The following CCDC178 variants were observed in gnomAD, a reference collection of about 807,000 sequenced individuals.
The protein encoded by CCDC178 is coiled-coil domain-containing protein 178.
In CCDC178, 126 loss-of-function variants were observed where a neutral mutation model predicts 117.4. That is an observed-to-expected ratio of 1.07 (90% CI 0.93 to 1.24). The LOEUF is 1.24. Among genes scored for constraint, CCDC178 ranks in the 50% most tolerant of loss-of-function variants. The probability of loss-of-function intolerance (pLI) is 0.00; values close to 1 mark genes in which losing one functional copy is unlikely to be tolerated. For missense variants in CCDC178, 1,030 were observed against 986.9 expected (o/e 1.04, Z -0.59); for synonymous variants, 283 against 313.4 (o/e 0.90, Z 1.02).
At chr18:32,947,031 C>T (rs942383173) in intron 22 of CCDC178, among the ~76,000 whole-genome samples, 2 of 151,966 alleles carry the variant, frequency 1.3e-5, no homozygotes, top group African/African-American at 2.4e-5. Flanking sequence ...CCGCCCGCCT[C>T]GGCCTCCTAA....
intron 3 of CCDC178, among the ~76,000 whole-genome samples, 171 bp downstream of exon 3, chr18:33,411,860 C>T (rs1253997372): frequency 2.6e-5 from 4 of 152,100 alleles, no homozygotes; most frequent in East Asian, 1.9e-4. Context: ...TTTTGTTACG[C>T]TGACTCACTC....
intron 3 of CCDC178, among the ~76,000 whole-genome samples, chr18:33,405,242 C>T: frequency 6.6e-6 from 1 of 151,424 alleles, no homozygotes; most frequent in East Asian, 1.9e-4. Context: ...TCAAGAATTA[C>T]AAAAATGTAT....
At chr18:33,374,715 T>G (rs1324209580) in intron 5 of CCDC178, among the ~76,000 whole-genome samples, 1 of 148,270 alleles carries the variant, frequency 6.7e-6, no homozygotes, top group Non-Finnish European at 1.5e-5. Context: ...AGTCAAAAAT[T>G]GAAAAAATCT....
At chr18:33,250,407 T>A (rs953502855) in intron 14 of CCDC178, among the ~76,000 whole-genome samples, 10 of 144,790 alleles carry the variant, frequency 6.9e-5, no homozygotes, top group Middle Eastern at 3.5e-3. Context: ...CATAATACTA[T>A]GTTTAAAAAA....
At chr18:33,010,047 G>A (rs969239830) in intron 21 of CCDC178, among the ~76,000 whole-genome samples, 2 of 152,046 alleles carry the variant, frequency 1.3e-5, no homozygotes, top group African/African-American at 4.8e-5. Flanking sequence ...ACCTCACACC[G>A]TCAAAGTTTT....
At chr18:33,321,770 G>A (rs968266166) in intron 11 of CCDC178, among the ~76,000 whole-genome samples, 1 of 151,692 alleles carries the variant, frequency 6.6e-6, no homozygotes, top group Non-Finnish European at 1.5e-5. Context: ...TACAACAAAT[G>A]TGGCAAATAG....
At chr18:33,424,372 G>A (rs185329204) in intron 2 of CCDC178, among the ~76,000 whole-genome samples, 1 of 152,146 alleles carries the variant, frequency 6.6e-6, no homozygotes, top group Non-Finnish European at 1.5e-5. Flanking sequence ...CTCACTTAAT[G>A]TCATAGTGTA....
chr18:33,151,263 A>C (rs900862587), intron 20 of CCDC178, among the ~76,000 whole-genome samples: 14 of 152,184 alleles, frequency 9.2e-5, no homozygotes, highest in Non-Finnish European at 2.1e-4. Flanking sequence ...ATAAATAAAT[A>C]AATAAATTCT....
chr18:33,092,603 A>T (rs1336063389), intron 21 of CCDC178, among the ~76,000 whole-genome samples, 158 bp downstream of exon 21: 1 of 152,162 alleles, frequency 6.6e-6, no homozygotes, highest in African/African-American at 2.4e-5. Context: ...TTCAATTTTA[A>T]AAGGTTGATA....
intron 6 of CCDC178, among the ~76,000 whole-genome samples, chr18:33,358,679 A>C (rs562188315): frequency 6.6e-6 from 1 of 152,056 alleles, no homozygotes; most frequent in Non-Finnish European, 1.5e-5. Flanking sequence ...AAATTTTAGT[A>C]GCTATAAAGT....
chr18:33,174,801 C>T (rs1181487423), intron 20 of CCDC178, among the ~76,000 whole-genome samples: 2 of 151,924 alleles, frequency 1.3e-5, no homozygotes, highest in South Asian at 4.2e-4. Context: ...ATAGGAGTAA[C>T]CTTATCTCTC....
intron 22 of CCDC178, among the ~76,000 whole-genome samples, chr18:32,961,895 T>A (rs1035755737): frequency 6.6e-6 from 1 of 152,230 alleles, no homozygotes; most frequent in African/African-American, 2.4e-5. Context: ...AGTGGGAGAT[T>A]TTAATCACTT....
chr18:33,380,433 C>G (rs2063426424), intron 5 of CCDC178, among the ~76,000 whole-genome samples: 1 of 152,186 alleles, frequency 6.6e-6, no homozygotes, highest in African/African-American at 2.4e-5. Flanking sequence ...AAAATGGCCT[C>G]CTGCTCTCAG....
At chr18:33,153,251 T>C (rs2058360179) in intron 20 of CCDC178, among the ~76,000 whole-genome samples, 1 of 150,974 alleles carries the variant, frequency 6.6e-6, no homozygotes, top group Non-Finnish European at 1.5e-5. Flanking sequence ...ACATTAAATA[T>C]TTTACAGTAG....
chr18:33,274,372 A>T (rs1385030588), intron 12 of CCDC178, among the ~76,000 whole-genome samples: 5 of 151,986 alleles, frequency 3.3e-5, no homozygotes, highest in Non-Finnish European at 5.9e-5. Context: ...TAAACATAGA[A>T]CTATCACATG....
At chr18:33,341,994 G>T (rs1283136152) in intron 9 of CCDC178, among the ~76,000 whole-genome samples, 5 of 152,134 alleles carry the variant, frequency 3.3e-5, no homozygotes, top group African/African-American at 1.2e-4. Flanking sequence ...ACTCTAACTT[G>T]AAACTTAAGA....
At chr18:33,187,949 C>T (rs1333557615) in intron 20 of CCDC178, among the ~76,000 whole-genome samples, 3 of 151,992 alleles carry the variant, frequency 2.0e-5, no homozygotes, top group Non-Finnish European at 4.4e-5. Flanking sequence ...CTGGGTAGTT[C>T]GATACTCCCT....
intron 20 of CCDC178, among the ~76,000 whole-genome samples, chr18:33,173,868 G>C (rs1465730001): frequency 6.6e-6 from 1 of 152,092 alleles, no homozygotes; most frequent in Non-Finnish European, 1.5e-5. Context: ...CAAAAGACTA[G>C]AGTAAAAGTG....
At chr18:33,057,824 AAAG>A (rs1213372327) in intron 21 of CCDC178, among the ~76,000 whole-genome samples, 3 of 152,208 alleles carry the variant, frequency 2.0e-5, no homozygotes, top group Non-Finnish European at 2.9e-5. Flanking sequence ...AATTTTGTGT[AAAG>A]AATATGAGAG....
Sources: allele counts gnomAD v4.1 joint callset (sites outside exome capture counted in the v4.1 genomes callset), GRCh38; gene constraint gnomAD v4.1.1; transcripts MANE v1.5; gene names NCBI Gene and HGNC (gene_info 2026-07-23, HGNC 2026-07-21).